The following PRKD1 variants were observed in gnomAD, a reference collection of about 807,000 sequenced individuals.
PRKD1 encodes the protein protein kinase D1, also known as serine/threonine-protein kinase D1.
In PRKD1, 63 loss-of-function variants were observed where a neutral mutation model predicts 95.9. That is an observed-to-expected ratio of 0.66 (90% CI 0.54 to 0.81). The LOEUF (loss-of-function observed/expected upper bound fraction) is 0.81. Ranked by LOEUF, PRKD1 falls within the 30% of genes least tolerant of loss-of-function variation. The pLI, the probability that PRKD1 is intolerant of heterozygous loss-of-function variation, is 0.00. For missense variants in PRKD1, 1,048 were observed against 1,165.3 expected (o/e 0.90, Z 1.47); for synonymous variants, 425 against 423.1 (o/e 1.00, Z -0.05).
intron 4 of PRKD1, among the ~76,000 whole-genome samples, chr14:29,643,348 T>C (rs1880924612): frequency 6.6e-6 from 1 of 152,206 alleles, no homozygotes. Flanking sequence ...AAGCCAGGAA[T>C]AGAAATTAAA....
intron 2 of PRKD1, among the ~76,000 whole-genome samples, chr14:29,712,871 T>C (rs1885401094): frequency 6.6e-6 from 1 of 152,134 alleles, no homozygotes; most frequent in Non-Finnish European, 1.5e-5. Context: ...ACTGAAGTGC[T>C]ATGCGCCACC....
intron 2 of PRKD1, among the ~76,000 whole-genome samples, chr14:29,680,891 A>C (rs1883503065): frequency 6.6e-6 from 1 of 152,226 alleles, no homozygotes; most frequent in South Asian, 2.1e-4. Context: ...ATGTGAAAAC[A>C]CGCGGAGGAG....
chr14:29,827,401 A>G (rs1226312979), intron 1 of PRKD1, among the ~76,000 whole-genome samples: 2 of 152,022 alleles, frequency 1.3e-5, no homozygotes, highest in Non-Finnish European at 2.9e-5. Context: ...CACAAAGACA[A>G]TTGGATGCAT....
chr14:29,642,669 A>G (rs1401693251), intron 4 of PRKD1, among the ~76,000 whole-genome samples: 1 of 152,204 alleles, frequency 6.6e-6, no homozygotes, highest in Non-Finnish European at 1.5e-5. Flanking sequence ...TCATTAACTT[A>G]CTACATTTTC....
At chr14:29,914,454 T>G (rs1894821998) in intron 1 of PRKD1, among the ~76,000 whole-genome samples, 1 of 152,182 alleles carries the variant, frequency 6.6e-6, no homozygotes, top group African/African-American at 2.4e-5. Context: ...ACCCAAATAC[T>G]ACTTCTAAAA....
At chr14:29,897,248 A>G (rs925516432) in intron 1 of PRKD1, among the ~76,000 whole-genome samples, 3 of 152,188 alleles carry the variant, frequency 2.0e-5, no homozygotes, top group African/African-American at 7.2e-5. Context: ...TTATATAGAT[A>G]TAACAAATTT....
At chr14:29,631,970 T>C (rs1048995769) in intron 9 of PRKD1, among the ~76,000 whole-genome samples, 2 of 151,868 alleles carry the variant, frequency 1.3e-5, no homozygotes, top group Non-Finnish European at 1.5e-5. Context: ...ACTGGCTAAT[T>C]TGTGTATTTT....
chr14:29,927,133 G>A (rs1012231015), intron 1 of PRKD1, 116 bp downstream of exon 1: 80 of 1,143,120 alleles, frequency 7.0e-5, no homozygotes, highest in Non-Finnish European at 8.6e-5. Flanking sequence ...GAGCGCCGGC[G>A]AGGCTGGCGG....
intron 1 of PRKD1, among the ~76,000 whole-genome samples, chr14:29,815,402 G>C (rs1169831185): frequency 1.3e-5 from 2 of 152,206 alleles, no homozygotes; most frequent in East Asian, 3.8e-4. Flanking sequence ...GAGGGAAATT[G>C]TTGAGAGCAA....
At position 29,720,745 on chromosome 14, in the gene PRKD1, A is replaced by T. The variant is rs534087545; in HGVS notation, c.403+4791T>A. On this transcript the variant is annotated intron_variant, in intron 2 of 17. Coordinates refer to ENST00000331968, the MANE Select transcript of PRKD1 (RefSeq NM_002742.3). ...CAGTGAGCCAAGATTGAGCCACTGC[A>T]CTCCAGCCTGGGTGACAGAGCAAGA... is the stretch of plus-strand genomic sequence containing the variant. Among the ~76,000 whole-genome samples, 75 of 151,636 alleles carry T rather than the reference A, an allele frequency of 4.9e-4. 1 individual carries two copies. Among genetic ancestry groups the T allele is most frequent in the African/African-American group, 1.8e-3 (73 of 41,154 alleles).
At chr14:29,651,259 A>G (rs1015572034) in intron 4 of PRKD1, among the ~76,000 whole-genome samples, 1 of 152,222 alleles carries the variant, frequency 6.6e-6, no homozygotes, top group African/African-American at 2.4e-5. Context: ...CACTCACTCA[A>G]TGAAATTATA....
intron 1 of PRKD1, among the ~76,000 whole-genome samples, chr14:29,913,016 T>C (rs907198631): frequency 6.6e-6 from 1 of 152,236 alleles, no homozygotes; most frequent in African/African-American, 2.4e-5. Flanking sequence ...TACTGACTGG[T>C]TGAAAAAGAG....
intron 1 of PRKD1, among the ~76,000 whole-genome samples, chr14:29,886,354 G>A (rs527832773): frequency 6.6e-6 from 1 of 152,132 alleles, no homozygotes; most frequent in Non-Finnish European, 1.5e-5. Context: ...TGTGAAACTG[G>A]AACATAAAGG....
At chr14:29,853,617 A>C (rs1367768913) in intron 1 of PRKD1, among the ~76,000 whole-genome samples, 1 of 152,218 alleles carries the variant, frequency 6.6e-6, no homozygotes, top group Non-Finnish European at 1.5e-5. Flanking sequence ...GTCATTTACC[A>C]GTGGTGAAGT....
intron 1 of PRKD1, among the ~76,000 whole-genome samples, chr14:29,865,757 G>A (rs899888746): frequency 1.3e-5 from 2 of 152,138 alleles, no homozygotes; most frequent in Admixed American, 6.6e-5. Context: ...GGTTGTTTTA[G>A]TTACCTGGGT....
chr14:29,927,674 T>C lies in PRKD1; in HGVS notation c.-162A>G, dbSNP rs895845506. 29 of 242,898 alleles carry C rather than the reference T, an allele frequency of 1.2e-4. No homozygotes were observed. Among genetic ancestry groups the C allele is most frequent in the Admixed American group, 1.1e-3 (13 of 11,828 alleles). The allele number at this position is 242,898 out of a possible 1,614,324, so 15.0% of individuals were successfully genotyped here. On this transcript the variant is annotated 5_prime_UTR_variant, in exon 1 of 18. Transcript: ENST00000331968. ...CCTGGGCTGGGGGAGGGCAAGGGGA[T>C]GAGGATCGGGAGGGGAGGGGACTAA...
chr14:29,757,784 CA>C (rs1429164544), intron 1 of PRKD1, among the ~76,000 whole-genome samples: 3 of 151,858 alleles, frequency 2.0e-5, no homozygotes, highest in Non-Finnish European at 4.4e-5. Context: ...AGAATGGAGA[CA>C]GGGGTGAATG....
chr14:29,748,260 T>C (rs1447988102), intron 1 of PRKD1, among the ~76,000 whole-genome samples: 2 of 152,184 alleles, frequency 1.3e-5, no homozygotes, highest in Non-Finnish European at 2.9e-5. Context: ...AGTTAATGTC[T>C]ACAACCAACC....
At chr14:29,577,831 G>A (rs987991573) in intron 17 of PRKD1, among the ~76,000 whole-genome samples, 2 of 152,066 alleles carry the variant, frequency 1.3e-5, no homozygotes, top group African/African-American at 4.8e-5. Flanking sequence ...CATATACTTT[G>A]TATTTGCCAT....
Sources: gnomAD v4.1 joint callset for allele counts (sites outside exome capture counted in the v4.1 genomes callset) on GRCh38, gnomAD v4.1.1 for gene constraint, MANE v1.5 for transcripts, NCBI Gene and HGNC (gene_info 2026-07-23, HGNC 2026-07-21) for gene names.